The following KLHL21 variants were observed in gnomAD, a reference collection of about 807,000 sequenced individuals.
KLHL21 encodes the protein kelch-like protein 21.
In KLHL21, 42 loss-of-function variants were observed where a neutral mutation model predicts 44.1. The observed-to-expected ratio is 0.95, with a 90% CI of 0.74 to 1.23. KLHL21 has a LOEUF of 1.23. KLHL21 is among the 50% of genes most tolerant of loss of function. The pLI is 0.00. For missense variants in KLHL21, 918 were observed against 889.1 expected (o/e 1.03, Z -0.41); for synonymous variants, 524 against 411.6 (o/e 1.27, Z -3.31).
chr1:6,596,030 G>A (rs939342348), intron 2 of KLHL21, among the ~76,000 whole-genome samples: 2 of 152,130 alleles, frequency 1.3e-5, no homozygotes, highest in Non-Finnish European at 2.9e-5. Context: ...CCCTCACTTT[G>A]GGGTCAAGAC....
Position 6,602,286 on chromosome 1 carries a change from G to A in KLHL21, c.532C>T (p.Leu178=), listed in dbSNP as rs894309702. The A allele has an allele frequency of 1.3e-6, 2 of 1,556,602 alleles. No individual in the cohort carries two copies. Among genetic ancestry groups the A allele is most frequent in the Non-Finnish European group, 1.7e-6 (2 of 1,158,694 alleles). ...LGAEQLERLP[L]ARLLRYLRDD... ...CGCAGGTAGCGCAGCAGGCGCGCCA[G>A]TGGCAGCCGCTCCAGCTGCTCGGCG... Residue 178 remains leucine (L), a synonymous_variant, in exon 1 of 4, where the codon CTG becomes TTG. Coordinates refer to ENST00000377658, the MANE Select transcript of KLHL21 (RefSeq NM_014851.4).
intron 2 of KLHL21, among the ~76,000 whole-genome samples, chr1:6,598,419 A>G (rs950114998): frequency 6.6e-6 from 1 of 151,978 alleles, no homozygotes; most frequent in Non-Finnish European, 1.5e-5. Context: ...AAAATATAAA[A>G]ATCAGCCAGG....
In KLHL21 at chr1:6,601,950, G is replaced by A. The variant is rs775031214; in HGVS notation, c.868C>T (p.Leu290Phe). The change falls in exon 1 of 4, where the codon CTC (leucine) becomes TTC (phenylalanine). Residue 290 changes from leucine (L) to phenylalanine (F), a missense_variant. Transcript: ENST00000377658. Reference protein sequence around the residue: ...PSTGLAEILVLVGGCDQDCDE... With the variant: ...PSTGLAEILVFVGGCDQDCDE... The stretch of plus-strand genomic sequence containing the variant: ...CAGTCCTGGTCGCAGCCGCCCACGA[G>A]CACGAGGATCTCGGCGAGACCGGTG... The A allele has an allele frequency of 1.5e-5, 24 of 1,560,048 alleles. No homozygotes were observed. Among genetic ancestry groups the A allele is most frequent in the Non-Finnish European group, 1.6e-5 (19 of 1,152,564 alleles).
chr1:6,600,013 G>A (rs1014779373), intron 1 of KLHL21, among the ~76,000 whole-genome samples: 4 of 152,200 alleles, frequency 2.6e-5, no homozygotes, highest in Non-Finnish European at 5.9e-5. Flanking sequence ...AGCTGTGTAA[G>A]TATAATATAT....
rs886874262 is a variant in KLHL21, at chr1:6,602,595, C to G, written c.223G>C (p.Glu75Gln). The G allele has an allele frequency of 4.6e-6, 7 of 1,526,896 alleles. No homozygotes were observed. The African/African-American group carries it at 9.7e-5, about 21-fold the overall frequency. The allele number at this position is 1,526,896 out of a possible 1,614,324, so 94.6% of individuals were successfully genotyped here. ...FAGQLRESRA[E>Q]RVRLHGVPPD... ...GGCACTCCGTGCAGGCGCACCCGCT[C>G]GGCGCGGCTCTCGCGCAGCTGCCCC... is the stretch of plus-strand genomic sequence containing the variant. Residue 75 changes from glutamate (E) to glutamine (Q), a missense_variant, in exon 1 of 4, where the codon GAG becomes CAG. Coordinates refer to ENST00000377658, the MANE Select transcript of KLHL21 (RefSeq NM_014851.4).
In KLHL21 at chr1:6,599,178, G is replaced by A. The variant is rs756650573; in HGVS notation, c.1296C>T (p.Gly432=). ...GRLYAIGSLA[G]KETMVMQCYD... ...AGCACTGCATCACCATGGTCTCCTT[G>A]CCAGCCAGGGAGCCGATGGCATAGA... The change falls in exon 2 of 4, where the codon GGC becomes GGT. Residue 432 remains glycine (G), a synonymous_variant. Coordinates refer to ENST00000377658, the MANE Select transcript of KLHL21 (RefSeq NM_014851.4). 3.1e-6 allele frequency: 5 copies of A among 1,614,088 alleles called. No homozygotes were observed. The South Asian group carries it at 3.3e-5, about 11-fold the overall frequency.
At position 6,593,129 on chromosome 1, in the gene KLHL21, G is replaced by A; in HGVS notation, c.*236C>T. On this transcript the variant is annotated 3_prime_UTR_variant, in exon 4 of 4. Transcript: ENST00000377658. ...GGTGACCTCCAAGACCCAGAAACAT[G>A]TGCTGGCAGGAAAGTGGCTCTTCCT... 3.8e-6 allele frequency: 2 copies of A among 527,192 alleles called. No homozygotes were observed. The highest frequency in any genetic ancestry group is 5.0e-4 in the Middle Eastern group (1 of 2,008). 32.7% of individuals were successfully genotyped at this position (527,192 alleles called of 1,614,324 possible).
chr1:6,593,206 C>T lies in KLHL21; in HGVS notation c.*159G>A, dbSNP rs2148700420. On this transcript the variant is annotated 3_prime_UTR_variant, in exon 4 of 4. Transcript: ENST00000377658. The stretch of plus-strand genomic sequence containing the variant: ...GCCTCTGATTCAGGCTCTCAAGGTA[C>T]AGAAACCTTCCAGGTAATGGATCCT... 1.3e-6 allele frequency: 1 copy of T among 750,652 alleles called. No homozygotes were observed. The highest frequency in any genetic ancestry group is 2.1e-6 in the Non-Finnish European group (1 of 482,326). The allele number at this position is 750,652 out of a possible 1,614,324, so 46.5% of individuals were successfully genotyped here. A position where few individuals can be genotyped will look rare whatever the true frequency, so the allele number is the denominator to read the frequency against.
At position 6,602,480 on chromosome 1, in the gene KLHL21, G is replaced by A; in HGVS notation, c.338C>T (p.Ala113Val). 1 of 1,559,310 alleles carries A rather than the reference G, an allele frequency of 6.4e-7. No homozygotes were observed. The highest frequency in any genetic ancestry group is 8.6e-7 in the Non-Finnish European group (1 of 1,158,934). ...GDNAEPLLRA[A>V]DLLQFPAVKE... The stretch of plus-strand genomic sequence containing the variant: ...CACGGCCGGGAACTGCAGCAGGTCG[G>A]CGGCGCGCAGCAGCGGCTCAGCGTT... Residue 113 changes from alanine (A) to valine (V), a missense_variant, in exon 1 of 4, where the codon GCC (alanine) becomes GTC (valine). Transcript: ENST00000377658.
chr1:6,592,034 T>G lies in KLHL21; in HGVS notation c.*1331A>C, dbSNP rs1203629273. 6.6e-6 allele frequency: 1 copy of G among 152,200 alleles called. No individual in the cohort carries two copies. Among genetic ancestry groups the G allele is most frequent in the Admixed American group, 6.5e-5 (1 of 15,274 alleles). 9.4% of individuals were successfully genotyped at this position (152,200 alleles called of 1,614,324 possible). A position where few individuals can be genotyped will look rare whatever the true frequency, so the allele number is the denominator to read the frequency against. ...AACCCGACAGCAATGACATCCACAG[T>G]GTATGGACTGGGCTCTTGAGGAGCA... On this transcript the variant is annotated 3_prime_UTR_variant, in exon 4 of 4. Coordinates refer to ENST00000377658, the MANE Select transcript of KLHL21 (RefSeq NM_014851.4).
In KLHL21 at chr1:6,593,116, G is replaced by A. The variant is rs931082736; in HGVS notation, c.*249C>T. 1 of 515,900 alleles carries A rather than the reference G, an allele frequency of 1.9e-6. No individual in the cohort carries two copies. Among genetic ancestry groups the A allele is most frequent in the Non-Finnish European group, 3.5e-6 (1 of 288,544 alleles). The allele number at this position is 515,900 out of a possible 1,614,324, so 32.0% of individuals were successfully genotyped here. A position where few individuals can be genotyped will look rare whatever the true frequency, so the allele number is the denominator to read the frequency against. The stretch of plus-strand genomic sequence containing the variant: ...TCCGCGGGGTGGGGGTGACCTCCAA[G>A]ACCCAGAAACATGTGCTGGCAGGAA... On this transcript the variant is annotated 3_prime_UTR_variant, in exon 4 of 4. Transcript: ENST00000377658.
At chr1:6,599,473 CAGA>C (rs768635179) in intron 1 of KLHL21, 21 bp from the exon 2 acceptor site, 74 of 1,582,338 alleles carry the variant, frequency 4.7e-5, no homozygotes, top group South Asian at 9.1e-5. Context: ...GCATGACAGG[CAGA>C]AGATCAGCCC....
Position 6,593,432 on chromosome 1 carries a change from T to A in KLHL21, c.1727A>T (p.Asp576Val). 6.2e-7 allele frequency: 1 copy of A among 1,612,880 alleles called. No homozygotes were observed. The change falls in exon 4 of 4, where the codon GAC becomes GTC. Residue 576 changes from aspartate (D) to valine (V), a missense_variant. Physicochemically the swap from Asp to Val is radical, Grantham distance 152 (BLOSUM62 -3). Transcript: ENST00000377658. ...TGGGTCCATGTCATCGCTGCCACTG[T>A]CCAACTCGAAGCCACGCCCACCCGA... The part of the protein sequence containing the change: ...TFSGGRGFEL[D>V]SGSDDMDPGR...
rs761423081 is a variant in KLHL21, at chr1:6,599,420, C to G, written c.1054G>C (p.Val352Leu). ...GSDGSRLYDC[V>L]WRYNSSVNEW... ...TTCACGCTTGAGTTGTACCTCCACA[C>G]GCAGTCATAGAGCCGGGAGCCATCG... is the stretch of plus-strand genomic sequence containing the variant. Residue 352 changes from valine (V) to leucine (L), a missense_variant, in exon 2 of 4, where the codon GTG becomes CTG. By Grantham distance (32) the Val-to-Leu change is conservative. Coordinates refer to ENST00000377658, the MANE Select transcript of KLHL21 (RefSeq NM_014851.4). 6.2e-7 allele frequency: 1 copy of G among 1,612,278 alleles called. No homozygotes were observed. Among genetic ancestry groups the G allele is most frequent in the Admixed American group, 1.7e-5 (1 of 59,968 alleles).
At position 6,602,734 on chromosome 1, in the gene KLHL21, C is replaced by G; in HGVS notation, c.84G>C (p.Leu28=). 3 of 1,511,514 alleles carry G rather than the reference C, an allele frequency of 2.0e-6. No homozygotes were observed. The highest frequency in any genetic ancestry group is 2.6e-6 in the Non-Finnish European group (3 of 1,137,446). 93.6% of individuals were successfully genotyped at this position (1,511,514 alleles called of 1,614,324 possible). A position where few individuals can be genotyped will look rare whatever the true frequency, so the allele number is the denominator to read the frequency against. Residue 28 remains leucine, a synonymous_variant, in exon 1 of 4, where the codon CTG becomes CTC. Transcript: ENST00000377658. ...CGTCCAGGAACTTGCGCTCGGCGCGCAGCTGGCTCAGGCCGCGCAGCAGGC... is the reference window on the plus strand; with the variant it reads ...CGTCCAGGAACTTGCGCTCGGCGCGGAGCTGGCTCAGGCCGCGCAGCAGGC... The part of the protein sequence containing the change: ...ALSLLRGLSQ[L]RAERKFLDVT...
chr1:6,597,966 C>T (rs1461776295), intron 2 of KLHL21, among the ~76,000 whole-genome samples: 1 of 152,250 alleles, frequency 6.6e-6, no homozygotes, highest in Admixed American at 6.5e-5. Flanking sequence ...GACAGGTCAT[C>T]AAGGCCAGCA....
chr1:6,600,326 A>G (rs1640998105), intron 1 of KLHL21, among the ~76,000 whole-genome samples: 1 of 152,198 alleles, frequency 6.6e-6, no homozygotes, highest in South Asian at 2.1e-4. Context: ...GATTACAAAG[A>G]GCCACTGCAC....
At chr1:6,597,359 T>C (rs1488111914) in intron 2 of KLHL21, among the ~76,000 whole-genome samples, 1 of 152,154 alleles carries the variant, frequency 6.6e-6, no homozygotes, top group Non-Finnish European at 1.5e-5. Context: ...ACACTGGGCC[T>C]GGAACCACTG....
rs766656162 is a variant in KLHL21 at position 6,593,531 on chromosome 1, A to C, written c.1628T>G (p.Val543Gly). Reference protein sequence around the residue: ...YDPETRAWSVVGRLPEPTFWH... With the variant: ...YDPETRAWSVGGRLPEPTFWH... Reference sequence around the variant, plus strand: ...GAAGGTGGGTTCTGGGAGCCGCCCCACCACGCTCCACGCGCGAGTCTCTGG... The same window carrying C: ...GAAGGTGGGTTCTGGGAGCCGCCCCCCCACGCTCCACGCGCGAGTCTCTGG... The change falls in exon 4 of 4, where the codon GTG (valine) becomes GGG (glycine). Residue 543 changes from valine (V) to glycine (G), a missense_variant. By Grantham distance (109) the Val-to-Gly change is moderately radical. Transcript: ENST00000377658. 28 of 1,613,796 alleles carry C rather than the reference A, an allele frequency of 1.7e-5. No individual in the cohort carries two copies. Among genetic ancestry groups the C allele is most frequent in the Non-Finnish European group, 1.6e-5 (19 of 1,179,978 alleles).
Sources: gnomAD v4.1 joint callset for allele counts (sites outside exome capture counted in the v4.1 genomes callset) on GRCh38, gnomAD v4.1.1 for gene constraint, MANE v1.5 for transcripts, NCBI Gene and HGNC (gene_info 2026-07-23, HGNC 2026-07-21) for gene names.